The following USP33 variants were observed in gnomAD, a reference collection of about 807,000 sequenced individuals.
USP33 encodes ubiquitin specific peptidase 33, also known as ubiquitin carboxyl-terminal hydrolase 33.
In USP33, 46 loss-of-function variants were observed where a neutral mutation model predicts 124.2. The observed-to-expected ratio is 0.37, with a 90% CI of 0.29 to 0.47. The LOEUF (loss-of-function observed/expected upper bound fraction) is 0.47, where lower values mean the gene tolerates loss of function less well. Ranked by LOEUF, USP33 falls within the 20% of genes least tolerant of loss-of-function variation. USP33 has a pLI of 0.99. For missense variants in USP33, 851 were observed against 1,070.6 expected (o/e 0.79, Z 2.86); for synonymous variants, 350 against 352.3 (o/e 0.99, Z 0.07).
intron 1 of USP33, among the ~76,000 whole-genome samples, chr1:77,753,446 AT>A (rs1273885953): frequency 6.6e-6 from 1 of 152,062 alleles, no homozygotes; most frequent in East Asian, 1.9e-4. Flanking sequence ...AAAAATAATA[AT>A]TTTTTAATTG....
rs1677093913 is a variant in USP33 at position 77,725,753 on chromosome 1, G to C, written c.1145C>G (p.Thr382Ser). ...AGACAGGTCATTCGAATGGACATCAGTGATATATTCTGTAAGATTTAAAAT... is the reference window on the plus strand; with the variant it reads ...AGACAGGTCATTCGAATGGACATCACTGATATATTCTGTAAGATTTAAAAT... Reference protein sequence around the residue: ...QIHSRASEYITDVHSNDLSTP... With the variant: ...QIHSRASEYISDVHSNDLSTP... The change falls in exon 11 of 24, where the codon ACT becomes AGT. Residue 382 changes from threonine to serine, a missense_variant. Physicochemically the swap from Thr to Ser is moderately conservative, Grantham distance 58 (BLOSUM62 1). Around this residue, in one of 4 missense-constraint regions of USP33, gnomAD observed 207 missense variants for 200.9 expected, o/e 1.03. Transcript: ENST00000370794. 6.2e-7 allele frequency: 1 copy of C among 1,611,224 alleles called. No homozygotes were observed. The highest frequency in any genetic ancestry group is 1.7e-5 in the Admixed American group (1 of 59,436).
chr1:77,715,257 A>G (rs997233552), intron 18 of USP33, among the ~76,000 whole-genome samples: 1 of 151,796 alleles, frequency 6.6e-6, no homozygotes, highest in Non-Finnish European at 1.5e-5. Flanking sequence ...CCGAGGCTGG[A>G]GTGCAGTGGC....
At chr1:77,717,831 T>A (rs775005326) in intron 17 of USP33, 36 bp downstream of exon 17, 5 of 1,485,796 alleles carry the variant, frequency 3.4e-6, no homozygotes, top group Non-Finnish European at 3.6e-6. Flanking sequence ...AATTTTTTTT[T>A]AAATCTAGGA....
intron 1 of USP33, among the ~76,000 whole-genome samples, chr1:77,742,329 G>C (rs1215306089): frequency 6.6e-6 from 1 of 152,116 alleles, no homozygotes; most frequent in East Asian, 1.9e-4. Context: ...CGCTGTGAGG[G>C]ATTGTCCTGT....
chr1:77,753,519 GATT>G (rs1226899947), intron 1 of USP33, among the ~76,000 whole-genome samples: 1 of 152,066 alleles, frequency 6.6e-6, no homozygotes, highest in African/African-American at 2.4e-5. Flanking sequence ...AAAATAAGTA[GATT>G]ATATCTGGAA....
rs1352813996 is a variant in USP33 at position 77,723,410 on chromosome 1, T to C, written c.1310A>G (p.His437Arg). 6.2e-7 allele frequency: 1 copy of C among 1,613,068 alleles called. No individual in the cohort carries two copies. The highest frequency in any genetic ancestry group is 1.3e-5 in the African/African-American group (1 of 74,926). The change falls in exon 12 of 24, where the codon CAC becomes CGC. Residue 437 changes from histidine (H) to arginine (R), a missense_variant. This residue lies in a region of USP33 where 281 missense variants were observed against 425.0 expected (regional missense o/e 0.66). Coordinates refer to ENST00000370794, the MANE Select transcript of USP33 (RefSeq NM_201624.3). ...TGAAATAACACTTCTGTATTTCTTG[T>C]GCTGTTTTTTTCTCTTTGGAGATGC... ...QSASPKRKKQHKKYRSVISDI... is the reference protein window; with the variant it reads ...QSASPKRKKQRKKYRSVISDI...
rs757453487 is a variant in USP33 at position 77,736,013 on chromosome 1, T to C, written c.454+43A>G. On this transcript the variant is annotated intron_variant, in intron 6 of 23. Transcript: ENST00000370794. Reference sequence around the variant, plus strand: ...TACATTATATGGTTTTCTAAAGAAATGGGCAGTGCCATACAAAGAAGCGTT... The same window carrying C: ...TACATTATATGGTTTTCTAAAGAAACGGGCAGTGCCATACAAAGAAGCGTT... 4.5e-6 allele frequency: 6 copies of C among 1,344,120 alleles called. No individual in the cohort carries two copies. The East Asian group carries it at 1.5e-4, about 33-fold the overall frequency. The allele number at this position is 1,344,120 out of a possible 1,614,324, so 83.3% of individuals were successfully genotyped here.
At chr1:77,725,401 T>TA (rs1349406496) in intron 11 of USP33, among the ~76,000 whole-genome samples, 2 of 152,228 alleles carry the variant, frequency 1.3e-5, no homozygotes, top group Non-Finnish European at 2.9e-5. Flanking sequence ...TTAAAATTCA[T>TA]AAAGCTCTAT....
At chr1:77,711,196 T>TAA (rs879435761) in intron 21 of USP33, among the ~76,000 whole-genome samples, 2 of 141,000 alleles carry the variant, frequency 1.4e-5, no homozygotes, top group Non-Finnish European at 3.1e-5. Flanking sequence ...GCCAATACAT[T>TAA]AAAAAAAAAA....
intron 21 of USP33, among the ~76,000 whole-genome samples, chr1:77,706,095 A>G (rs142392147): frequency 2.0e-5 from 3 of 152,342 alleles, no homozygotes; most frequent in Non-Finnish European, 2.9e-5. Context: ...TTGGGCAATT[A>G]TGAACAATAC....
chr1:77,722,351 A>T, intron 12 of USP33, 155 bp from the exon 13 acceptor site: 1 of 675,452 alleles, frequency 1.5e-6, no homozygotes, highest in Non-Finnish European at 2.4e-6. Flanking sequence ...TTTCATAGTC[A>T]TAATAGCAAA....
intron 4 of USP33, among the ~76,000 whole-genome samples, chr1:77,740,538 TAGAG>T (rs1372184628): frequency 2.0e-5 from 3 of 152,158 alleles, no homozygotes; most frequent in African/African-American, 7.2e-5. Context: ...GTACTTTTAA[TAGAG>T]ACAGGGTTTC....
At chr1:77,701,560 C>T (rs1435863826) in intron 21 of USP33, 89 bp from the exon 22 acceptor site, 1 of 1,114,682 alleles carries the variant, frequency 9.0e-7, no homozygotes, top group East Asian at 2.4e-5. Flanking sequence ...TGTTTGATAA[C>T]TCAGCACTTT....
Position 77,696,965 on chromosome 1 carries a change from C to A in USP33, c.*352G>T. On this transcript the variant is annotated 3_prime_UTR_variant, in exon 24 of 24. Transcript: ENST00000370794. Reference sequence around the variant, plus strand: ...GGCATGGTGGCAGGTGCCTGTAATCCCAGCTACTCGAGAGGCTGAGGCAGG... The same window carrying A: ...GGCATGGTGGCAGGTGCCTGTAATCACAGCTACTCGAGAGGCTGAGGCAGG... 6.4e-6 allele frequency: 1 copy of A among 155,378 alleles called. No homozygotes were observed. The highest frequency in any genetic ancestry group is 1.4e-5 in the Non-Finnish European group (1 of 70,422). The allele number at this position is 155,378 out of a possible 1,614,324, so 9.6% of individuals were successfully genotyped here. A position where few individuals can be genotyped will look rare whatever the true frequency, so the allele number is the denominator to read the frequency against.
chr1:77,701,871 T>C (rs533241434), intron 21 of USP33, among the ~76,000 whole-genome samples: 9 of 151,988 alleles, frequency 5.9e-5, no homozygotes. Context: ...GGTTTTGCCA[T>C]GTTGGCCAGG....
intron 1 of USP33, among the ~76,000 whole-genome samples, chr1:77,758,292 T>C (rs1007666790): frequency 6.8e-6 from 1 of 147,890 alleles, no homozygotes. Context: ...GCCATTCTCC[T>C]GCCTCAGCCT....
chr1:77,751,652 C>A (rs938850070), intron 1 of USP33, among the ~76,000 whole-genome samples: 2 of 152,036 alleles, frequency 1.3e-5, no homozygotes, highest in Admixed American at 6.5e-5. Flanking sequence ...CAGAGCTAGG[C>A]CTTGTCTCAA....
In USP33 at chr1:77,759,765, G is replaced by GAA; in HGVS notation, c.-176_-175dup. On this transcript the variant is annotated 5_prime_UTR_variant, in exon 1 of 24. Coordinates refer to ENST00000370794, the MANE Select transcript of USP33 (RefSeq NM_201624.3). ...GGGCAGTGTCGCGTCAGGAGGGCCG[G>GAA]AAAACGGCCCCGCAGCGCTGCCCTC... The GAA allele has an allele frequency of 2.5e-6, 1 of 397,872 alleles. No individual in the cohort carries two copies. Among genetic ancestry groups the GAA allele is most frequent in the Non-Finnish European group, 4.4e-6 (1 of 225,546 alleles). The allele number at this position is 397,872 out of a possible 1,614,324, so 24.6% of individuals were successfully genotyped here. A position where few individuals can be genotyped will look rare whatever the true frequency, so the allele number is the denominator to read the frequency against.
At chr1:77,752,845 A>G (rs2101612896) in intron 1 of USP33, among the ~76,000 whole-genome samples, 1 of 151,674 alleles carries the variant, frequency 6.6e-6, no homozygotes, top group East Asian at 2.0e-4. Flanking sequence ...TGCGAGGCCG[A>G]GGCCGGTGGA....
Sources: gnomAD v4.1 joint callset for allele counts (sites outside exome capture counted in the v4.1 genomes callset) on GRCh38, gnomAD v4.1.1 for gene constraint, gnomAD v4.1.1 regional missense constraint, MANE v1.5 for transcripts, NCBI Gene and HGNC (gene_info 2026-07-23, HGNC 2026-07-21) for gene names.